DLG2: variants seen among roughly 807,000 people sequenced by gnomAD.
The protein encoded by DLG2 is disks large homolog 2.
DLG2 carries 45 observed loss-of-function variants against 132.5 expected under a neutral mutation model. The ratio of observed to expected loss-of-function variants is 0.34; its 90% CI spans 0.27 to 0.44. DLG2 has a LOEUF of 0.44. Among genes scored for constraint, DLG2 ranks in the 20% least tolerant of loss-of-function variants. The probability of loss-of-function intolerance (pLI) is 1.00; values close to 1 mark genes in which losing one functional copy is unlikely to be tolerated. For synonymous variants in DLG2, 424 were observed against 419.6 expected (o/e 1.01, Z -0.13); for missense variants, 1,045 against 1,196.9 (o/e 0.87, Z 1.87).
intron 18 of DLG2, among the ~76,000 whole-genome samples, chr11:83,701,189 G>A (rs1034613467): frequency 1.3e-5 from 2 of 152,096 alleles, no homozygotes; most frequent in African/African-American, 4.8e-5. Flanking sequence ...TTCCAGCTCT[G>A]AAAGTAGAAA....
At chr11:84,010,137 T>C (rs1427641915) in intron 11 of DLG2, among the ~76,000 whole-genome samples, 2 of 152,044 alleles carry the variant, frequency 1.3e-5, no homozygotes, top group Admixed American at 6.6e-5. Context: ...AAAATACTAA[T>C]ATTTCTCACA....
chr11:85,612,719 C>CA (rs2153274912), intron 2 of DLG2, among the ~76,000 whole-genome samples: 1 of 152,334 alleles, frequency 6.6e-6, no homozygotes, highest in South Asian at 2.1e-4. Flanking sequence ...CCTCAAAGCT[C>CA]AAGTCCATCA....
At chr11:83,943,152 G>C (rs1387159979) in intron 14 of DLG2, among the ~76,000 whole-genome samples, 2 of 152,108 alleles carry the variant, frequency 1.3e-5, no homozygotes, top group African/African-American at 4.8e-5. Context: ...TTTGTAGATT[G>C]CCCAGTCTTA....
chr11:85,340,097 T>C (rs1596354932), intron 3 of DLG2, among the ~76,000 whole-genome samples: 2 of 152,176 alleles, frequency 1.3e-5, no homozygotes, highest in East Asian at 3.9e-4. Context: ...CTCAAGGATC[T>C]AGAACTAGAA....
intron 18 of DLG2, among the ~76,000 whole-genome samples, chr11:83,654,704 G>A (rs1379121937): frequency 6.6e-6 from 1 of 152,226 alleles, no homozygotes; most frequent in East Asian, 1.9e-4. Context: ...CCAGCAGAGA[G>A]TCTTGTATGA....
chr11:84,718,513 G>T (rs2061462024), intron 6 of DLG2, among the ~76,000 whole-genome samples: 1 of 152,120 alleles, frequency 6.6e-6, no homozygotes, highest in Non-Finnish European at 1.5e-5. Context: ...AAAGAAACTT[G>T]TTTGTAAATG....
At chr11:84,715,498 C>T (rs2061115487) in intron 6 of DLG2, among the ~76,000 whole-genome samples, 2 of 152,066 alleles carry the variant, frequency 1.3e-5, no homozygotes, top group African/African-American at 4.8e-5. Flanking sequence ...TTCCACATAA[C>T]CGCAACTTTG....
intron 3 of DLG2, among the ~76,000 whole-genome samples, chr11:85,365,363 T>A (rs1028715320): frequency 1.1e-4 from 17 of 152,210 alleles, no homozygotes; most frequent in Admixed American, 2.6e-4. Flanking sequence ...TTTGATTCAT[T>A]AACTTGCACA....
At chr11:83,896,101 C>A (rs1488748335) in intron 15 of DLG2, among the ~76,000 whole-genome samples, 1 of 152,008 alleles carries the variant, frequency 6.6e-6, no homozygotes, top group Non-Finnish European at 1.5e-5. Flanking sequence ...TAATATATAC[C>A]CTCTATTATA....
chr11:84,309,020 C>T (rs532831375), intron 7 of DLG2, among the ~76,000 whole-genome samples: 6 of 152,196 alleles, frequency 3.9e-5, no homozygotes, highest in Non-Finnish European at 8.8e-5. Flanking sequence ...CCTCAAGTGC[C>T]GCCAAAGTGG....
intron 6 of DLG2, among the ~76,000 whole-genome samples, chr11:84,830,964 C>CCG (rs1052082560): frequency 2.6e-4 from 29 of 110,104 alleles, no homozygotes; most frequent in Non-Finnish European, 5.0e-4. Flanking sequence ...CCCCACCCCC[C>CCG]CCAGCTCTGT....
intron 5 of DLG2, among the ~76,000 whole-genome samples, chr11:85,123,318 G>T (rs1466971373): frequency 6.6e-6 from 1 of 151,864 alleles, no homozygotes; most frequent in Non-Finnish European, 1.5e-5. Context: ...TTAATGGTGT[G>T]GAAAATGTAT....
At chr11:85,369,333 CT>C (rs2084796622) in intron 3 of DLG2, among the ~76,000 whole-genome samples, 1 of 152,120 alleles carries the variant, frequency 6.6e-6, no homozygotes, top group African/African-American at 2.4e-5. Flanking sequence ...AGAGGTTCAG[CT>C]TTTTCTGACA....
chr11:85,154,175 A>G (rs1490032530), intron 5 of DLG2, among the ~76,000 whole-genome samples: 1 of 148,800 alleles, frequency 6.7e-6, no homozygotes, highest in Non-Finnish European at 1.5e-5. Context: ...TCTCATTGCC[A>G]AATTAGATAA....
chr11:83,624,269 G>T (rs2062114988), intron 19 of DLG2, among the ~76,000 whole-genome samples: 1 of 152,114 alleles, frequency 6.6e-6, no homozygotes, highest in Admixed American at 6.5e-5. Flanking sequence ...ATGGTCAATG[G>T]AAGAGTCACT....
intron 7 of DLG2, among the ~76,000 whole-genome samples, chr11:84,265,037 G>A (rs181841853): frequency 5.3e-5 from 8 of 152,180 alleles, no homozygotes; most frequent in Admixed American, 5.2e-4. Flanking sequence ...TTTAGAACTT[G>A]GATTATCTGT....
chr11:84,256,829 T>C (rs1033288430), intron 7 of DLG2, among the ~76,000 whole-genome samples: 1 of 152,168 alleles, frequency 6.6e-6, no homozygotes, highest in Non-Finnish European at 1.5e-5. Context: ...TGTGCATGTG[T>C]ATGTGTGTGA....
intron 22 of DLG2, among the ~76,000 whole-genome samples, chr11:83,475,124 A>T (rs990288769): frequency 2.6e-5 from 4 of 152,160 alleles, no homozygotes; most frequent in African/African-American, 9.6e-5. Flanking sequence ...TGTGGCAATC[A>T]GGTACTGTGT....
At chr11:85,594,796 G>A (rs891896845) in intron 3 of DLG2, among the ~76,000 whole-genome samples, 12 of 152,006 alleles carry the variant, frequency 7.9e-5, no homozygotes, top group African/African-American at 1.2e-4. Context: ...GGCCGGGCAC[G>A]GTGGTGCATG....
Sources: gnomAD v4.1 joint callset for allele counts (sites outside exome capture counted in the v4.1 genomes callset) on GRCh38, gnomAD v4.1.1 for gene constraint, MANE v1.5 for transcripts, NCBI Gene and HGNC (gene_info 2026-07-23, HGNC 2026-07-21) for gene names.